The following PDE4D variants were observed in gnomAD, a reference collection of about 807,000 sequenced individuals.
PDE4D encodes phosphodiesterase 4D, also known as 3',5'-cyclic-AMP phosphodiesterase 4D.
A neutral mutation model predicts 87.4 loss-of-function variants in PDE4D; 24 were observed. The observed-to-expected ratio is 0.27, with a 90% confidence interval of 0.20 to 0.39. PDE4D has a LOEUF of 0.39. Among genes scored for constraint, PDE4D ranks in the 10% least tolerant of loss-of-function variants. The pLI is 1.00. For missense variants in PDE4D, 714 were observed against 1,041.0 expected (o/e 0.69, Z 4.32); for synonymous variants, 384 against 383.2 (o/e 1.00, Z -0.02).
intron 1 of PDE4D, among the ~76,000 whole-genome samples, chr5:59,319,160 A>ATGTGTGTG (rs59099367): frequency 1.1e-4 from 16 of 139,798 alleles, no homozygotes; most frequent in South Asian, 7.0e-4. Context: ...GTACATATAT[A>ATGTGTGTG]TGTGTGTGTG....
chr5:59,895,966 G>A (rs1361483940), upstream of PDE4D, among the ~76,000 whole-genome samples: 1 of 152,064 alleles, frequency 6.6e-6, no homozygotes, highest in Non-Finnish European at 1.5e-5. Context: ...TTGCAAGTCA[G>A]GAACATTTTA....
intron 1 of PDE4D, among the ~76,000 whole-genome samples, chr5:59,824,018 G>T (rs2152691021): frequency 6.6e-6 from 1 of 151,548 alleles, no homozygotes; most frequent in East Asian, 1.9e-4. Context: ...TTCTCACTGT[G>T]GGAAAACATC....
At chr5:59,586,293 G>C in intron 1 of PDE4D, 1 of 1,465,506 alleles carries the variant, frequency 6.8e-7, no homozygotes. Flanking sequence ...TGATAATTCT[G>C]AGTTTTACAA....
intron 3 of PDE4D, among the ~76,000 whole-genome samples, chr5:59,914,839 A>G: frequency 7.3e-6 from 1 of 137,300 alleles, no homozygotes; most frequent in African/African-American, 2.7e-5. Context: ...AAGTATAGTT[A>G]AGGCTTGGTT....
chr5:60,377,240 A>G (rs1761505062), intron 1 of PDE4D, among the ~76,000 whole-genome samples: 1 of 152,214 alleles, frequency 6.6e-6, no homozygotes, highest in South Asian at 2.1e-4. Flanking sequence ...GACAAAGACT[A>G]TATCTGACTT....
At chr5:60,320,997 A>G (rs538686915) in intron 1 of PDE4D, among the ~76,000 whole-genome samples, 2 of 152,254 alleles carry the variant, frequency 1.3e-5, no homozygotes, top group African/African-American at 2.4e-5. Flanking sequence ...TACGGATTCA[A>G]TGCCATTCCT....
intron 1 of PDE4D, among the ~76,000 whole-genome samples, chr5:60,518,257 C>T (rs1439266014): frequency 7.9e-5 from 12 of 152,220 alleles, no homozygotes; most frequent in Non-Finnish European, 1.5e-4. Flanking sequence ...GGGCCAGTAG[C>T]GTGAGCCCAG....
rs969466036 is a variant in PDE4D, at chr5:60,193,396, C to T, written c.-89-7709G>A. On this transcript the variant is annotated intron_variant, in intron 1 of 16. Transcript: ENST00000502484. ...GTGGAAAAAGCTGTCACAGGCCGGGCGCAGTGGCTCACGCCTGTAATCCCA... is the reference window on the plus strand; with the variant it reads ...GTGGAAAAAGCTGTCACAGGCCGGGTGCAGTGGCTCACGCCTGTAATCCCA... Among the ~76,000 whole-genome samples the T allele has an allele frequency of 2.1e-4, 32 of 152,070 alleles. No individual in the cohort carries two copies. In the South Asian group the frequency reaches 2.3e-3, roughly 11 times the overall value.
At chr5:59,007,171 G>T (rs1189412959) in intron 6 of PDE4D, among the ~76,000 whole-genome samples, 2 of 152,144 alleles carry the variant, frequency 1.3e-5, no homozygotes, top group Non-Finnish European at 2.9e-5. Flanking sequence ...CCAACATAAG[G>T]AGTTTTCCAG....
chr5:59,910,541 G>A (rs1266913375), intron 3 of PDE4D, among the ~76,000 whole-genome samples: 3 of 152,166 alleles, frequency 2.0e-5, no homozygotes, highest in South Asian at 4.1e-4. Context: ...CAGCTACTCT[G>A]GTCTAAATGT....
intron 1 of PDE4D, among the ~76,000 whole-genome samples, chr5:59,540,103 A>G (rs2153683654): frequency 6.6e-6 from 1 of 152,252 alleles, no homozygotes; most frequent in Middle Eastern, 3.4e-3. Flanking sequence ...ATCTCCAGCA[A>G]GTTCCTAGGT....
chr5:59,338,383 GCTTT>G (rs1239395867), intron 1 of PDE4D, among the ~76,000 whole-genome samples: 2 of 152,158 alleles, frequency 1.3e-5, no homozygotes, highest in African/African-American at 4.8e-5. Flanking sequence ...ACAGTCTATG[GCTTT>G]CTTGGTGAAA....
At chr5:60,517,891 A>G (rs1375655286) in intron 1 of PDE4D, among the ~76,000 whole-genome samples, 4 of 152,164 alleles carry the variant, frequency 2.6e-5, no homozygotes, top group Non-Finnish European at 5.9e-5. Flanking sequence ...CTTGCTTGCC[A>G]TGTTGCAGGT....
At chr5:60,400,508 C>A (rs1740974836) in intron 1 of PDE4D, among the ~76,000 whole-genome samples, 1 of 94,882 alleles carries the variant, frequency 1.1e-5, no homozygotes, top group Non-Finnish European at 1.9e-5. Context: ...GGTAACAGAG[C>A]AAGACTCCAT....
chr5:59,275,367 T>C (rs1188680990), intron 1 of PDE4D: 2 of 1,597,190 alleles, frequency 1.3e-6, no homozygotes, highest in African/African-American at 2.7e-5. Flanking sequence ...TTAGGGAACT[T>C]GTAGATCGGG....
chr5:59,213,287 A>G (rs946417380), intron 2 of PDE4D, among the ~76,000 whole-genome samples: 2 of 151,694 alleles, frequency 1.3e-5, no homozygotes, highest in Non-Finnish European at 2.9e-5. Context: ...ACCTCTCCAG[A>G]GTAGCTGGGA....
intron 1 of PDE4D, among the ~76,000 whole-genome samples, chr5:60,428,732 G>T (rs1743936652): frequency 6.6e-6 from 1 of 152,192 alleles, no homozygotes; most frequent in Non-Finnish European, 1.5e-5. Flanking sequence ...AAAGTTGGAT[G>T]TAAGCTTCAT....
intron 1 of PDE4D, among the ~76,000 whole-genome samples, chr5:59,856,703 G>A (rs932460920): frequency 1.3e-5 from 2 of 152,090 alleles, no homozygotes; most frequent in African/African-American, 4.8e-5. Context: ...GTAAATCATG[G>A]GGAAGCAATG....
chr5:60,495,511 T>A (rs766564304), intron 1 of PDE4D, among the ~76,000 whole-genome samples: 1 of 152,196 alleles, frequency 6.6e-6, no homozygotes, highest in Non-Finnish European at 1.5e-5. Context: ...GGACCACTCC[T>A]TAAGAATCAT....
Sources: gnomAD v4.1 joint callset for allele counts (sites outside exome capture counted in the v4.1 genomes callset) on GRCh38, gnomAD v4.1.1 for gene constraint, MANE v1.5 for transcripts, NCBI Gene and HGNC (gene_info 2026-07-23, HGNC 2026-07-21) for gene names.